The following THRB variants were observed in gnomAD, a reference collection of about 807,000 sequenced individuals.
The protein encoded by THRB is nuclear receptor subfamily 1 group A member 2.
A neutral mutation model predicts 47.8 loss-of-function variants in THRB; 12 were observed. The ratio of observed to expected loss-of-function variants is 0.25; its 90% CI spans 0.16 to 0.41. THRB has a LOEUF of 0.41. THRB is among the 10% of genes least tolerant of loss of function. The probability of loss-of-function intolerance (pLI) is 1.00; values close to 1 mark genes in which losing one functional copy is unlikely to be tolerated. For missense variants in THRB, 348 were observed against 589.2 expected (o/e 0.59, Z 4.24); for synonymous variants, 218 against 212.2 (o/e 1.03, Z -0.24).
At chr3:24,141,588 A>C (rs1321812999) in intron 8 of THRB, among the ~76,000 whole-genome samples, 1 of 152,240 alleles carries the variant, frequency 6.6e-6, no homozygotes, top group East Asian at 1.9e-4. Context: ...ACTTTCTGGC[A>C]CATAGTATCC....
At position 24,440,122 on chromosome 3, in the gene THRB, C is replaced by T. The variant is rs866172228; in HGVS notation, c.-261+54530G>A. On this transcript the variant is annotated intron_variant, in intron 1 of 10. Transcript: ENST00000646209. ...ATATTCGCATGTGCTGTCTGTCTCA[C>T]CCCAACTTTAGTTTCTAGATTGATT... is the stretch of plus-strand genomic sequence containing the variant. Among the ~76,000 whole-genome samples, 118 of 152,288 alleles carry T rather than the reference C, an allele frequency of 7.7e-4. 1 individual carries two copies. The highest frequency in any genetic ancestry group is 2.7e-3 in the African/African-American group (114 of 41,548).
intron 3 of THRB, among the ~76,000 whole-genome samples, chr3:24,231,277 T>A (rs539041031): frequency 6.6e-6 from 1 of 152,348 alleles, no homozygotes; most frequent in East Asian, 1.9e-4. Flanking sequence ...ATCCCAGTTA[T>A]GTCCTTATGA....
chr3:24,337,816 G>C (rs2062361233), intron 1 of THRB, among the ~76,000 whole-genome samples: 1 of 152,040 alleles, frequency 6.6e-6, no homozygotes. Context: ...TTGAGCTGTC[G>C]GGTGGGGCAC....
At chr3:24,266,118 T>A (rs1015890390) in intron 3 of THRB, among the ~76,000 whole-genome samples, 1 of 152,136 alleles carries the variant, frequency 6.6e-6, no homozygotes, top group Non-Finnish European at 1.5e-5. Context: ...ATTGATAGGG[T>A]TTTTGAGATG....
intron 3 of THRB, among the ~76,000 whole-genome samples, chr3:24,294,048 C>A (rs116750104): frequency 1.3e-5 from 2 of 152,190 alleles, no homozygotes; most frequent in African/African-American, 2.4e-5. Flanking sequence ...GCTGACCCTG[C>A]GGCTTGCTTT....
At chr3:24,376,308 G>T (rs1385910758) in intron 1 of THRB, among the ~76,000 whole-genome samples, 3 of 152,104 alleles carry the variant, frequency 2.0e-5, no homozygotes, top group African/African-American at 7.2e-5. Flanking sequence ...TTTTTGCCTT[G>T]GGGCACTTTT....
At chr3:24,434,875 G>T (rs964662630) in intron 1 of THRB, among the ~76,000 whole-genome samples, 1 of 152,184 alleles carries the variant, frequency 6.6e-6, no homozygotes, top group Admixed American at 6.5e-5. Flanking sequence ...AAGGTCAGCT[G>T]CTATCAGTCT....
chr3:24,492,460 G>A (rs190217330), intron 1 of THRB, among the ~76,000 whole-genome samples: 1 of 152,326 alleles, frequency 6.6e-6, no homozygotes, highest in Admixed American at 6.5e-5. Context: ...CTAAGAAGGT[G>A]ACACGTAATC....
At chr3:24,480,962 A>G (rs1696266661) in intron 1 of THRB, among the ~76,000 whole-genome samples, 2 of 152,216 alleles carry the variant, frequency 1.3e-5, no homozygotes, top group African/African-American at 4.8e-5. Context: ...CAGTCTCACA[A>G]TATCATCCCT....
chr3:24,206,392 T>C (rs1317492090), intron 4 of THRB, among the ~76,000 whole-genome samples: 1 of 152,216 alleles, frequency 6.6e-6, no homozygotes, highest in Admixed American at 6.5e-5. Context: ...AACCTGCTCC[T>C]GAATGACTAC....
chr3:24,439,758 A>G (rs1471868768), intron 1 of THRB, among the ~76,000 whole-genome samples: 3 of 152,242 alleles, frequency 2.0e-5, no homozygotes, highest in Non-Finnish European at 2.9e-5. Flanking sequence ...GATGAAAAAT[A>G]GGTCTAATTT....
intron 3 of THRB, among the ~76,000 whole-genome samples, chr3:24,268,795 AT>A (rs2052927933): frequency 6.6e-6 from 1 of 152,062 alleles, no homozygotes. Context: ...TATTTCTTAC[AT>A]TTTATGTTAT....
chr3:24,468,537 C>A (rs2074322158), intron 1 of THRB, among the ~76,000 whole-genome samples: 1 of 152,150 alleles, frequency 6.6e-6, no homozygotes, highest in Non-Finnish European at 1.5e-5. Flanking sequence ...TGTAGGGTTA[C>A]TAACTGGCCT....
At chr3:24,431,040 T>C (rs1395896933) in intron 1 of THRB, 1 of 152,072 alleles carries the variant, frequency 6.6e-6, no homozygotes, top group Non-Finnish European at 1.5e-5. Flanking sequence ...CCAAACAAAC[T>C]CATGCACTGG....
At chr3:24,264,529 A>G (rs1007129844) in intron 3 of THRB, among the ~76,000 whole-genome samples, 16 of 102,228 alleles carry the variant, frequency 1.6e-4, no homozygotes, top group African/African-American at 6.2e-4. Flanking sequence ...CAATGCGTAA[A>G]CTAAATGAGA....
At chr3:24,126,385 T>TA (rs889395975) in intron 10 of THRB, among the ~76,000 whole-genome samples, 2,650 of 147,374 alleles carry the variant, frequency 0.018, 70 homozygotes, top group African/African-American at 0.06. Flanking sequence ...TGTCTCAGGT[T>TA]AAAAAAAAAA....
intron 1 of THRB, among the ~76,000 whole-genome samples, chr3:24,367,764 A>G (rs1226697279): frequency 6.6e-6 from 1 of 152,190 alleles, no homozygotes; most frequent in East Asian, 1.9e-4. Context: ...TACAACAAGA[A>G]ATGTTTACAG....
intron 2 of THRB, among the ~76,000 whole-genome samples, chr3:24,307,643 T>C (rs753614337): frequency 1.3e-5 from 2 of 151,978 alleles, no homozygotes; most frequent in African/African-American, 2.4e-5. Flanking sequence ...TTCTGGATGG[T>C]TTTTTTTAGG....
chr3:24,488,750 A>G (rs570748370), intron 1 of THRB, among the ~76,000 whole-genome samples: 1 of 152,346 alleles, frequency 6.6e-6, no homozygotes, highest in Admixed American at 6.5e-5. Flanking sequence ...ATGAATGAGT[A>G]GTAACTGGAA....
Sources: gnomAD v4.1 joint callset for allele counts (sites outside exome capture counted in the v4.1 genomes callset) on GRCh38, gnomAD v4.1.1 for gene constraint, MANE v1.5 for transcripts, NCBI Gene and HGNC (gene_info 2026-07-23, HGNC 2026-07-21) for gene names.